DIAPH2: variants seen among roughly 807,000 people sequenced by gnomAD.
DIAPH2 encodes diaphanous related formin 2, also known as protein diaphanous homolog 2.
DIAPH2 carries 35 observed loss-of-function variants against 92.7 expected under a neutral mutation model. The ratio of observed to expected loss-of-function variants is 0.38; its 90% CI spans 0.29 to 0.50. The LOEUF (loss-of-function observed/expected upper bound fraction) is 0.50, where lower values mean the gene tolerates loss of function less well. DIAPH2 is among the 20% of genes least tolerant of loss of function. The pLI, the probability that DIAPH2 is intolerant of heterozygous loss-of-function variation, is 0.94. For synonymous variants in DIAPH2, 301 were observed against 280.4 expected (o/e 1.07, Z -0.73); for missense variants, 701 against 819.5 (o/e 0.86, Z 1.77).
At chrX:96,926,422 T>TA (rs2065582291) in intron 9 of DIAPH2, among the ~76,000 whole-genome samples, 1 of 111,735 alleles carries the variant, frequency 8.9e-6, no homozygotes. Context: ...AGTTAAGTGT[T>TA]ACAAATAAAC....
intron 1 of DIAPH2, among the ~76,000 whole-genome samples, chrX:96,714,913 A>AT (rs1034320603): frequency 9.0e-6 from 1 of 111,605 alleles, no homozygotes; most frequent in Non-Finnish European, 1.9e-5. Context: ...TTCAAACCCC[A>AT]TTTTTTGTAT....
chrX:97,050,433 A>T (rs1009803674), intron 17 of DIAPH2, among the ~76,000 whole-genome samples: 2 of 110,222 alleles, frequency 1.8e-5, no homozygotes, highest in Admixed American at 1.9e-4. Context: ...AGTATATTAA[A>T]AGAATTTATT....
intron 22 of DIAPH2, among the ~76,000 whole-genome samples, chrX:97,209,182 A>G (rs768979275): frequency 4.7e-4 from 52 of 110,929 alleles, no homozygotes; most frequent in Non-Finnish European, 8.1e-4. Context: ...AGATGTACCA[A>G]GATCTGTAAA....
At chrX:96,856,999 AC>A (rs1460494795) in intron 4 of DIAPH2, among the ~76,000 whole-genome samples, 1 of 108,826 alleles carries the variant, frequency 9.2e-6, no homozygotes, top group Non-Finnish European at 1.9e-5. Context: ...AGATCGATCC[AC>A]TACACTTCAG....
chrX:96,715,891 T>G (rs2063946828), intron 1 of DIAPH2, among the ~76,000 whole-genome samples: 1 of 110,482 alleles, frequency 9.1e-6, no homozygotes, highest in Non-Finnish European at 1.9e-5. Flanking sequence ...TTCTTTGCTT[T>G]TGGTTTAATC....
chrX:96,805,107 C>T (rs995907398), intron 4 of DIAPH2, among the ~76,000 whole-genome samples: 2 of 110,739 alleles, frequency 1.8e-5, no homozygotes, highest in Non-Finnish European at 3.8e-5. Flanking sequence ...CCTAGATGTT[C>T]CAGGCATTAT....
chrX:97,051,518 T>C (rs200005574), intron 17 of DIAPH2, among the ~76,000 whole-genome samples: 1 of 67,312 alleles, frequency 1.5e-5, no homozygotes, highest in Non-Finnish European at 2.7e-5. Flanking sequence ...TGTTTTTTTT[T>C]CTTTTTTTTT....
rs771332069 is a variant in DIAPH2, at chrX:97,560,315, G to A, written c.3242-38938G>A. Among the ~76,000 whole-genome samples the A allele has an allele frequency of 9.5e-4, 106 of 111,912 alleles. 1 individual carries two copies. The highest frequency in any genetic ancestry group is 1.0e-3 in the Admixed American group (11 of 10,564). On this transcript the variant is annotated intron_variant, in intron 26 of 26. Coordinates refer to ENST00000324765, the MANE Select transcript of DIAPH2 (RefSeq NM_006729.5). ...TGGCAGGCGCCATGTTAGGTATTAA[G>A]AAATACAAAGATATAGAATACAAGT...
chrX:97,340,658 GT>G (rs1197732406), intron 23 of DIAPH2, among the ~76,000 whole-genome samples: 3,154 of 95,115 alleles, frequency 0.033, 30 homozygotes, highest in Middle Eastern at 0.044. Flanking sequence ...TGTTTTTTTT[GT>G]TTTTTTTTTT....
At chrX:97,415,060 C>T (rs1212803262) in intron 25 of DIAPH2, among the ~76,000 whole-genome samples, 4 of 89,477 alleles carry the variant, frequency 4.5e-5, no homozygotes, top group Non-Finnish European at 6.7e-5. Flanking sequence ...ACAAACAGTT[C>T]TCAAAAGAAG....
intron 22 of DIAPH2, among the ~76,000 whole-genome samples, chrX:97,231,280 G>A (rs764376420): frequency 9.6e-6 from 1 of 104,265 alleles, no homozygotes; most frequent in East Asian, 3.0e-4. Flanking sequence ...TCTTGAAAGG[G>A]TTCTTATTGG....
intron 22 of DIAPH2, among the ~76,000 whole-genome samples, chrX:97,193,842 A>C (rs2067676080): frequency 8.9e-6 from 1 of 112,075 alleles, no homozygotes; most frequent in Admixed American, 9.5e-5. Context: ...GAAAATTTAA[A>C]TCCGTGGATT....
intron 17 of DIAPH2, among the ~76,000 whole-genome samples, chrX:97,038,041 A>G (rs757660396): frequency 9.0e-6 from 1 of 110,916 alleles, no homozygotes; most frequent in Non-Finnish European, 1.9e-5. Context: ...TCCAGTGTCG[A>G]TTATCCCAAT....
chrX:96,804,088 T>G (rs150275252), intron 4 of DIAPH2, among the ~76,000 whole-genome samples: 1 of 111,680 alleles, frequency 9.0e-6, no homozygotes, highest in East Asian at 2.8e-4. Context: ...TGTCCTAGTA[T>G]CTCATCTCCC....
At chrX:96,688,433 C>G (rs2063782743) in intron 1 of DIAPH2, among the ~76,000 whole-genome samples, 1 of 111,949 alleles carries the variant, frequency 8.9e-6, no homozygotes, top group Admixed American at 9.4e-5. Flanking sequence ...CTCCTGGGTG[C>G]AAGCGATTCT....
chrX:97,190,172 T>C (rs1192637973), intron 22 of DIAPH2, among the ~76,000 whole-genome samples: 1 of 112,958 alleles, frequency 8.9e-6, no homozygotes, highest in African/African-American at 3.2e-5. Context: ...TGTGAATTCA[T>C]GGCATTGGTA....
intron 23 of DIAPH2, among the ~76,000 whole-genome samples, chrX:97,283,951 T>A (rs2068519762): frequency 1.8e-5 from 2 of 111,517 alleles, no homozygotes; most frequent in South Asian, 7.4e-4. Flanking sequence ...TCAAAAAAAA[T>A]AATAAAATAA....
intron 3 of DIAPH2, among the ~76,000 whole-genome samples, chrX:96,753,674 T>C (rs946481855): frequency 9.0e-6 from 1 of 110,928 alleles, no homozygotes; most frequent in African/African-American, 3.3e-5. Context: ...CAGGTTTAAA[T>C]AGAATATAAT....
At chrX:96,940,081 C>T (rs1277152004) in intron 12 of DIAPH2, among the ~76,000 whole-genome samples, 2 of 110,575 alleles carry the variant, frequency 1.8e-5, no homozygotes, top group Non-Finnish European at 3.8e-5. Flanking sequence ...CAACAGATTG[C>T]ACTGGCCCTG....
Sources: allele counts gnomAD v4.1 joint callset (sites outside exome capture counted in the v4.1 genomes callset), GRCh38; gene constraint gnomAD v4.1.1; transcripts MANE v1.5; gene names NCBI Gene and HGNC (gene_info 2026-07-23, HGNC 2026-07-21).